The following LIPA variants were observed in gnomAD, a reference collection of about 807,000 sequenced individuals.
LIPA encodes the protein lipase A, lysosomal acid type.
A neutral mutation model predicts 40.6 loss-of-function variants in LIPA; 26 were observed. The ratio of observed to expected loss-of-function variants is 0.64; its 90% CI spans 0.47 to 0.89. The LOEUF (loss-of-function observed/expected upper bound fraction) is 0.89. LIPA is among the 40% of genes least tolerant of loss of function. LIPA has a pLI of 0.00. For synonymous variants in LIPA, 188 were observed against 168.4 expected, an observed-to-expected ratio of 1.12 and a Z score of -0.90; for missense variants, 455 against 479.6, an observed-to-expected ratio of 0.95 and a Z score of 0.48.
At chr10:89,231,094 T>C (rs1297216296) in intron 3 of LIPA, among the ~76,000 whole-genome samples, 1 of 152,114 alleles carries the variant, frequency 6.6e-6, no homozygotes, top group African/African-American at 2.4e-5. Flanking sequence ...TAGAAAAGCT[T>C]ATACCTTGCA....
chr10:89,387,043 G>A (rs1010311155), intron 2 of LIPA, among the ~76,000 whole-genome samples: 2 of 151,958 alleles, frequency 1.3e-5, no homozygotes, highest in Non-Finnish European at 2.9e-5. Context: ...TAGGCTGGGC[G>A]CCGTGGCTCA....
At chr10:89,397,065 T>A (rs1844354489) in intron 2 of LIPA, among the ~76,000 whole-genome samples, 1 of 152,234 alleles carries the variant, frequency 6.6e-6, no homozygotes, top group Non-Finnish European at 1.5e-5. Context: ...CAATTCACTT[T>A]TCTTGATATA....
intron 3 of LIPA, among the ~76,000 whole-genome samples, chr10:89,228,933 G>C (rs1842806017): frequency 6.6e-6 from 1 of 152,150 alleles, no homozygotes; most frequent in Non-Finnish European, 1.5e-5. Context: ...GCACCACACT[G>C]GAAAAGTTTG....
intron 2 of LIPA, among the ~76,000 whole-genome samples, chr10:89,387,317 CAAAAAAA>C (rs565296927): frequency 4.8e-5 from 4 of 83,652 alleles, no homozygotes; most frequent in African/African-American, 2.0e-4. Flanking sequence ...GACTCCGTCT[CAAAAAAA>C]AAAAAAAAAA....
rs562200931 is a variant in LIPA, at chr10:89,244,881, A to G, written c.229+795T>C. ...TTGGCAATATATATCAAAATCACAAATGCATATATCCTGTGATCCAAAAAT... is the reference window on the plus strand; with the variant it reads ...TTGGCAATATATATCAAAATCACAAGTGCATATATCCTGTGATCCAAAAAT... On this transcript the variant is annotated intron_variant, in intron 3 of 9. Coordinates refer to ENST00000336233, the MANE Select transcript of LIPA (RefSeq NM_000235.4). Among the ~76,000 whole-genome samples the G allele has an allele frequency of 2.6e-5, 4 of 152,354 alleles. No homozygotes were observed. The South Asian group carries it at 8.3e-4, about 32-fold the overall frequency.
chr10:89,354,056 TGCCTTTTCCCCTC>T, intron 2 of LIPA, among the ~76,000 whole-genome samples: 2 of 152,238 alleles, frequency 1.3e-5, no homozygotes, highest in Non-Finnish European at 2.9e-5. Context: ...TCTCTCTCTT[TGCCTTTTCCCCTC>T]AGTCGATTTC....
chr10:89,328,512 T>TTC (rs1564787127), intron 1 of LIPA, among the ~76,000 whole-genome samples: 1 of 152,172 alleles, frequency 6.6e-6, no homozygotes, highest in African/African-American at 2.4e-5. Flanking sequence ...AGGCTTTTTT[T>TTC]CTTGTAATTT....
intron 2 of LIPA, among the ~76,000 whole-genome samples, chr10:89,377,385 T>C (rs1365097067): frequency 6.6e-6 from 1 of 152,212 alleles, no homozygotes; most frequent in African/African-American, 2.4e-5. Context: ...GCTCAAACAT[T>C]GTTGTTTGAA....
At chr10:89,295,066 G>GAAAGGAAAGGAAAGA (rs1843405306) in intron 1 of LIPA, among the ~76,000 whole-genome samples, 1 of 148,420 alleles carries the variant, frequency 6.7e-6, no homozygotes, top group African/African-American at 2.5e-5. Flanking sequence ...GAAAGGAAAG[G>GAAAGGAAAGGAAAGA]AAAGGAAAGG....
chr10:89,223,397 C>G (rs1322460193), intron 7 of LIPA, among the ~76,000 whole-genome samples: 1 of 152,106 alleles, frequency 6.6e-6, no homozygotes, highest in Non-Finnish European at 1.5e-5. Flanking sequence ...CTAAAAGAAA[C>G]AAATCACTAG....
chr10:89,267,718 T>A (rs1843244776), intron 1 of LIPA, among the ~76,000 whole-genome samples: 1 of 120,140 alleles, frequency 8.3e-6, no homozygotes, highest in Non-Finnish European at 1.7e-5. Flanking sequence ...ACCCTAAAAC[T>A]TAAAGTATAA....
At chr10:89,240,447 T>G (rs1181672093) in intron 3 of LIPA, among the ~76,000 whole-genome samples, 1 of 152,186 alleles carries the variant, frequency 6.6e-6, no homozygotes, top group Non-Finnish European at 1.5e-5. Flanking sequence ...TTTAAAATAT[T>G]TATGTATTTA....
At chr10:89,339,520 GTAAGA>G in intron 1 of LIPA, 1 of 1,614,124 alleles carries the variant, frequency 6.2e-7, no homozygotes, top group African/African-American at 1.3e-5. Context: ...CAAGGCAAAA[GTAAGA>G]CAAATGCAGA....
At chr10:89,234,375 G>A (rs116099487) in intron 3 of LIPA, among the ~76,000 whole-genome samples, 4,232 of 152,218 alleles carry the variant, frequency 0.028, 205 homozygotes, top group African/African-American at 0.096. Context: ...TTTCATCCCA[G>A]AACAAAAAAG....
At chr10:89,215,340 G>A (rs1255360631) in intron 9 of LIPA, among the ~76,000 whole-genome samples, 3 of 152,320 alleles carry the variant, frequency 2.0e-5, no homozygotes, top group Admixed American at 1.3e-4. Flanking sequence ...CAAGGAAGGT[G>A]TTGTACTCCA....
intron 3 of LIPA, among the ~76,000 whole-genome samples, chr10:89,236,608 G>C (rs535981934): frequency 6.6e-6 from 1 of 152,230 alleles, no homozygotes; most frequent in African/African-American, 2.4e-5. Flanking sequence ...GAGGTCTGCA[G>C]CTTCAATTAT....
intron 4 of LIPA, among the ~76,000 whole-genome samples, chr10:89,227,610 A>G (rs1428298821): frequency 3.3e-5 from 5 of 152,364 alleles, no homozygotes; most frequent in Middle Eastern, 3.4e-3. Flanking sequence ...GTATGGGTAT[A>G]TGCATGCGCA....
intron 1 of LIPA, chr10:89,284,444 A>G (rs1702348229): frequency 6.6e-6 from 1 of 152,208 alleles, no homozygotes; most frequent in Admixed American, 6.5e-5. Context: ...TGAGGCCCCT[A>G]AAAGCCTCCA....
At chr10:89,374,934 A>C (rs1162005386) in intron 2 of LIPA, among the ~76,000 whole-genome samples, 1 of 152,206 alleles carries the variant, frequency 6.6e-6, no homozygotes, top group Non-Finnish European at 1.5e-5. Context: ...CCCTGGCCTG[A>C]AGCTCAGAAC....
Sources: gnomAD v4.1 joint callset for allele counts (sites outside exome capture counted in the v4.1 genomes callset) on GRCh38, gnomAD v4.1.1 for gene constraint, MANE v1.5 for transcripts, NCBI Gene and HGNC (gene_info 2026-07-23, HGNC 2026-07-21) for gene names.